GPI: variants seen among roughly 807,000 people sequenced by gnomAD.
GPI encodes D-hexose-6-phosphate anomerase.
GPI carries 56 observed loss-of-function variants against 75.8 expected under a neutral mutation model. That is an observed-to-expected ratio of 0.74 (90% CI 0.60 to 0.92). The LOEUF (loss-of-function observed/expected upper bound fraction) is 0.92, where lower values mean the gene tolerates loss of function less well. Ranked by LOEUF, GPI falls within the 40% of genes least tolerant of loss-of-function variation. The pLI, the probability that GPI is intolerant of heterozygous loss-of-function variation, is 0.00. For missense variants in GPI, 638 were observed against 741.0 expected (o/e 0.86, Z 1.61); for synonymous variants, 288 against 285.4 (o/e 1.01, Z -0.09).
chr19:34,390,064 G>T (rs1472683303), intron 9 of GPI, among the ~76,000 whole-genome samples: 3 of 152,228 alleles, frequency 2.0e-5, no homozygotes, highest in African/African-American at 4.8e-5. Flanking sequence ...GGGCCTGTCA[G>T]TGTCCAGGAG....
In GPI at chr19:34,393,907, G is replaced by A. The variant is rs760111665; in HGVS notation, c.910-7G>A. ...CTCAGCTCCCACTCATCCTGCTCCTGTTTCAGGACCAGCACTTCCGCACGA... is the reference window on the plus strand; with the variant it reads ...CTCAGCTCCCACTCATCCTGCTCCTATTTCAGGACCAGCACTTCCGCACGA... On this transcript the variant is annotated splice_region_variant and splice_polypyrimidine_tract_variant and intron_variant, in intron 11 of 17. Coordinates refer to ENST00000356487, the MANE Select transcript of GPI (RefSeq NM_000175.5). This position sits in a 1 kb window ranked among gnomAD's most constrained non-coding sequence, Gnocchi z 4.4. The A allele has an allele frequency of 1.9e-6, 3 of 1,613,402 alleles. No homozygotes were observed. Among genetic ancestry groups the A allele is most frequent in the Non-Finnish European group, 2.5e-6 (3 of 1,179,926 alleles).
chr19:34,382,995 C>T (rs2074678209), intron 9 of GPI, among the ~76,000 whole-genome samples: 1 of 152,126 alleles, frequency 6.6e-6, no homozygotes. Context: ...CAGGTGGGGT[C>T]TCGGGTGAGC....
At position 34,366,250 on chromosome 19, in the gene GPI, G is replaced by A. The variant is rs1273085879; in HGVS notation, c.123-95G>A. 3 of 851,226 alleles carry A rather than the reference G, an allele frequency of 3.5e-6. No individual in the cohort carries two copies. The Admixed American group carries it at 5.1e-5, about 15-fold the overall frequency. The allele number at this position is 851,226 out of a possible 1,614,324, so 52.7% of individuals were successfully genotyped here. On this transcript the variant is annotated intron_variant, in intron 1 of 17. Coordinates refer to ENST00000356487, the MANE Select transcript of GPI (RefSeq NM_000175.5). ...GCGGCCCTTGTGGGGCGTGGGTCAG[G>A]GAGGATGTTTCTTCTGGGAACAGCT...
intron 4 of GPI, among the ~76,000 whole-genome samples, 165 bp from the exon 5 acceptor site, chr19:34,377,336 AAT>A (rs1243864461): frequency 0.015 from 718 of 49,324 alleles, 42 homozygotes; most frequent in African/African-American, 0.041. Context: ...AAAAAAAAAA[AAT>A]ATATATATAT....
intron 14 of GPI, chr19:34,398,616 A>T (rs1407191429): frequency 6.6e-6 from 1 of 152,356 alleles, no homozygotes; most frequent in African/African-American, 2.4e-5. Context: ...CTGGAATTAC[A>T]GTTGCACACC....
Position 34,399,193 on chromosome 19 carries a change from G to T in GPI, c.1270-14G>T, listed in dbSNP as rs2074986192. The stretch of plus-strand genomic sequence containing the variant: ...GACAGTGCTCTCAAGCATAACTGAT[G>T]TCTCGCTCATCAGATCCTCCTGGCC... On this transcript the variant is annotated splice_polypyrimidine_tract_variant and intron_variant, in intron 14 of 17. Coordinates refer to ENST00000356487, the MANE Select transcript of GPI (RefSeq NM_000175.5). The T allele has an allele frequency of 6.2e-7, 1 of 1,610,552 alleles. No individual in the cohort carries two copies. Among genetic ancestry groups the T allele is most frequent in the East Asian group, 2.2e-5 (1 of 44,818 alleles).
chr19:34,366,757 C>G (rs1246457563), intron 2 of GPI, 26 bp from the exon 3 acceptor site: 4 of 1,580,562 alleles, frequency 2.5e-6, no homozygotes, highest in Non-Finnish European at 3.5e-6. Flanking sequence ...TGGGTGGGAC[C>G]AGGCCTCAGT....
At chr19:34,384,570 G>A (rs1437933305) in intron 9 of GPI, among the ~76,000 whole-genome samples, 2 of 152,166 alleles carry the variant, frequency 1.3e-5, no homozygotes, top group Admixed American at 1.3e-4. Flanking sequence ...CAGGTAGAAC[G>A]GATCTATCAG....
upstream of GPI, chr19:34,365,060 G>GGCAA (rs2074333455): frequency 1.3e-6 from 2 of 1,491,370 alleles, no homozygotes; most frequent in East Asian, 5.5e-5. Context: ...AGCGGCCGCG[G>GGCAA]GCAAGGTCGC....
chr19:34,368,929 C>T (rs915667032), intron 4 of GPI: 5 of 611,344 alleles, frequency 8.2e-6, no homozygotes, highest in Non-Finnish European at 1.2e-5. Context: ...AGAAGTGGGG[C>T]CAGTTTCTTT....
chr19:34,381,108 C>G, intron 8 of GPI: 1 of 382,726 alleles, frequency 2.6e-6, no homozygotes, highest in South Asian at 2.3e-5. Flanking sequence ...AGGTTCGGTT[C>G]CCAGATGTCC....
At chr19:34,368,272 C>T (rs926867716) in intron 3 of GPI, among the ~76,000 whole-genome samples, 1 of 152,238 alleles carries the variant, frequency 6.6e-6, no homozygotes, top group Non-Finnish European at 1.5e-5. Flanking sequence ...CATTCTCTGC[C>T]TTTGCTCACT....
At chr19:34,386,447 G>C (rs997938997) in intron 9 of GPI, among the ~76,000 whole-genome samples, 4 of 152,180 alleles carry the variant, frequency 2.6e-5, no homozygotes, top group African/African-American at 4.8e-5. Flanking sequence ...CAGGCAGGTA[G>C]ACAAAACTGG....
In GPI at chr19:34,377,898, C is replaced by G; in HGVS notation, c.633+17C>G. Reference sequence around the variant, plus strand: ...GCCTCCAAGGTATGAGTGCCGAAAACTGCCCGGCCCCTGGCCCTGTGTGTG... The same window carrying G: ...GCCTCCAAGGTATGAGTGCCGAAAAGTGCCCGGCCCCTGGCCCTGTGTGTG... On this transcript the variant is annotated intron_variant, in intron 6 of 17. Transcript: ENST00000356487. 6.2e-7 allele frequency: 1 copy of G among 1,613,960 alleles called. No individual in the cohort carries two copies. Among genetic ancestry groups the G allele is most frequent in the Non-Finnish European group, 8.5e-7 (1 of 1,179,882 alleles).
upstream of GPI, among the ~76,000 whole-genome samples, chr19:34,360,592 T>C (rs1380655333): frequency 2.6e-5 from 4 of 151,932 alleles, no homozygotes; most frequent in Admixed American, 2.6e-4. Flanking sequence ...AGCGAGACAC[T>C]GTTTCAACTA....
upstream of GPI, among the ~76,000 whole-genome samples, chr19:34,360,081 C>T (rs559898748): frequency 3.8e-4 from 58 of 152,226 alleles, no homozygotes; most frequent in African/African-American, 1.3e-3. Context: ...GCTGGGGGCA[C>T]GTGAAGGTGT....
chr19:34,379,545 GC>G lies in GPI; in HGVS notation c.736del (p.Leu246CysfsTer8). 1.9e-6 allele frequency: 3 copies of G among 1,614,046 alleles called. No homozygotes were observed. Among genetic ancestry groups the G allele is most frequent in the Non-Finnish European group, 2.5e-6 (3 of 1,179,882 alleles). On this transcript the variant is annotated frameshift_variant, in exon 8 of 18. Transcript: ENST00000356487. LOFTEE classifies it high-confidence loss of function. ...TTCTGCAGTGGCGAAGCACTTTGTT[GC>G]CCTGTCTACTAACACAGTAAGTGCC... ...DPSAVAKHFV[A>X]LSTNTTKVKE...
intron 4 of GPI, among the ~76,000 whole-genome samples, chr19:34,372,898 C>T (rs1159369227): frequency 2.0e-5 from 3 of 151,852 alleles, no homozygotes; most frequent in African/African-American, 7.3e-5. Flanking sequence ...CTCAGCCTCC[C>T]GAGTAGCTGG....
intron 8 of GPI, chr19:34,380,846 G>A (rs1186633992): frequency 5.8e-6 from 1 of 173,170 alleles, no homozygotes; most frequent in Non-Finnish European, 1.3e-5. Flanking sequence ...GCAGCAGGAC[G>A]CCATAAGGCT....
Sources: allele counts gnomAD v4.1 joint callset (sites outside exome capture counted in the v4.1 genomes callset), GRCh38; gene constraint gnomAD v4.1.1; non-coding constraint Gnocchi (gnomAD v3.1); transcripts MANE v1.5; gene names NCBI Gene and HGNC (gene_info 2026-07-23, HGNC 2026-07-21).